Variants in ANK1 observed in about 807,000 individuals in gnomAD.
ANK1 encodes ankyrin-1.
ANK1 carries 51 observed loss-of-function variants against 210.4 expected under a neutral mutation model. The ratio of observed to expected loss-of-function variants is 0.24; its 90% CI spans 0.19 to 0.31. The LOEUF is 0.31. Ranked by LOEUF, ANK1 falls within the 10% of genes least tolerant of loss-of-function variation. ANK1 has a pLI of 1.00. For synonymous variants in ANK1, 967 were observed against 1,025.9 expected (o/e 0.94, Z 1.10); for missense variants, 2,051 against 2,504.4 (o/e 0.82, Z 3.86).
In ANK1 at chr8:41,852,006, A is replaced by G. The variant is rs144106138; in HGVS notation, c.126+44349T>C. 3.9e-5 allele frequency among the ~76,000 whole-genome samples: 6 copies of G among 152,344 alleles called. No individual in the cohort carries two copies. In the East Asian group the frequency reaches 1.2e-3, roughly 29 times the overall value. ...TTTCTCTGTATTATCCTGCATGTTC[A>G]GACATCACCATGCCCATTTTATAAC... On this transcript the variant is annotated intron_variant, in intron 1 of 42. Coordinates refer to the ANK1 transcript ENST00000265709.
intron 12 of ANK1, among the ~76,000 whole-genome samples, 168 bp from the exon 13 acceptor site, chr8:41,717,219 G>A (rs908485823): frequency 2.0e-5 from 3 of 152,172 alleles, no homozygotes; most frequent in South Asian, 2.1e-4. Flanking sequence ...GTGTGCATGA[G>A]CATGTATGTG....
intron 1 of ANK1, among the ~76,000 whole-genome samples, chr8:41,765,126 T>C (rs1228919849): frequency 2.0e-5 from 3 of 151,388 alleles, no homozygotes; most frequent in African/African-American, 4.9e-5. Flanking sequence ...TCTCTTTTTC[T>C]CTCTCTCTCT....
In ANK1 at chr8:41,827,715, C is replaced by T. The variant is rs1805650046; in HGVS notation, c.126+68640G>A. ...ACTCACACACACTCACACGCACACC[C>T]ACTCACACTCACACACATCCACACA... is the stretch of plus-strand genomic sequence containing the variant. On this transcript the variant is annotated intron_variant, in intron 1 of 42. Coordinates refer to the ANK1 transcript ENST00000265709. 3.0e-5 allele frequency among the ~76,000 whole-genome samples: 4 copies of T among 131,318 alleles called. No individual in the cohort carries two copies. The South Asian group carries it at 7.4e-4, about 24-fold the overall frequency. 86.1% of individuals were successfully genotyped at this position (131,318 alleles called of 152,430 possible).
At chr8:41,742,938 G>A (rs1835143966) in intron 2 of ANK1, among the ~76,000 whole-genome samples, 1 of 152,130 alleles carries the variant, frequency 6.6e-6, no homozygotes, top group African/African-American at 2.4e-5. Context: ...AGGTTAGTGG[G>A]ATATATTTCA....
chr8:41,693,781 G>A, intron 29 of ANK1, 117 bp downstream of exon 29: 3 of 1,182,796 alleles, frequency 2.5e-6, no homozygotes, highest in South Asian at 2.7e-5. Flanking sequence ...CTCACTCCCG[G>A]GGAAGTCAAC....
chr8:41,713,356 T>C (rs1826709799), intron 16 of ANK1, among the ~76,000 whole-genome samples: 1 of 152,176 alleles, frequency 6.6e-6, no homozygotes. Flanking sequence ...AGCCTCGCCT[T>C]CCCACAGCAG....
chr8:41,672,543 T>A lies in ANK1; in HGVS notation c.4907A>T (p.Asp1636Val). 6.2e-7 allele frequency: 1 copy of A among 1,614,180 alleles called. No individual in the cohort carries two copies. Among genetic ancestry groups the A allele is most frequent in the Non-Finnish European group, 8.5e-7 (1 of 1,180,044 alleles). The stretch of plus-strand genomic sequence containing the variant: ...CTGACCTTCCTCCTGTTCAAGCAAA[T>A]CGATAAGGCCATTTGTGGCATCTGA... ...VDSDATNGLI[D>V]LLEQEEGQRS... Residue 1636 changes from aspartate (D) to valine (V), a missense_variant, in exon 38 of 43, where the codon GAT becomes GTT. Coordinates refer to ENST00000289734, the MANE Select transcript of ANK1 (RefSeq NM_000037.4).
At chr8:41,841,114 G>A (rs73675149) in intron 1 of ANK1, among the ~76,000 whole-genome samples, 7 of 152,222 alleles carry the variant, frequency 4.6e-5, no homozygotes, top group South Asian at 4.1e-4. Flanking sequence ...CATTCACTGC[G>A]GCAGTATTCA....
chr8:41,678,029 C>A (rs1814762602), intron 37 of ANK1, among the ~76,000 whole-genome samples: 1 of 152,178 alleles, frequency 6.6e-6, no homozygotes, highest in Admixed American at 6.5e-5. Context: ...TAATAATGTG[C>A]CCTGATAGAG....
rs1805503600 is a variant in ANK1 at position 41,655,874 on chromosome 8, C to CT, written c.*37-122dup. ...CCGAATCTGACTCAGGAAAAGCAGT[C>CT]TCCCCAGGCAGGGCGATGTGCTGAG... is the stretch of plus-strand genomic sequence containing the variant. On this transcript the variant is annotated intron_variant, in intron 42 of 42. Transcript: ENST00000289734. The CT allele has an allele frequency of 4.2e-6, 5 of 1,176,650 alleles. No individual in the cohort carries two copies. The Admixed American group carries it at 5.7e-5, about 13-fold the overall frequency. 72.9% of individuals were successfully genotyped at this position (1,176,650 alleles called of 1,614,324 possible).
intron 1 of ANK1, among the ~76,000 whole-genome samples, chr8:41,831,358 C>T (rs1450743992): frequency 6.6e-6 from 1 of 152,060 alleles, no homozygotes; most frequent in African/African-American, 2.4e-5. Context: ...TAAATGAAAA[C>T]CCATGTTTGC....
At chr8:41,784,234 ACCCCACTCTCTCAC>A (rs1480297628) in intron 1 of ANK1, among the ~76,000 whole-genome samples, 1 of 151,778 alleles carries the variant, frequency 6.6e-6, no homozygotes, top group Non-Finnish European at 1.5e-5. Flanking sequence ...ATATTTCTCT[ACCCCACTCTCTCAC>A]CCCCACTCTC....
intron 1 of ANK1, among the ~76,000 whole-genome samples, chr8:41,866,126 C>A (rs919864590): frequency 6.6e-6 from 1 of 152,204 alleles, no homozygotes; most frequent in Non-Finnish European, 1.5e-5. Context: ...GAACTTGCTT[C>A]CTCTTTTCTC....
chr8:41,709,082 T>TG, intron 16 of ANK1, 107 bp from the exon 17 acceptor site: 1 of 1,308,288 alleles, frequency 7.6e-7, no homozygotes, highest in Non-Finnish European at 1.1e-6. Flanking sequence ...GGACACCCAG[T>TG]GAGCAGGGCT....
At chr8:41,662,562 C>G (rs1344642251) in intron 40 of ANK1, among the ~76,000 whole-genome samples, 1 of 152,224 alleles carries the variant, frequency 6.6e-6, no homozygotes, top group Non-Finnish European at 1.5e-5. Flanking sequence ...CCATTCTACT[C>G]CCATGAGCCT....
At chr8:41,795,361 T>A (rs73623029) in intron 1 of ANK1, among the ~76,000 whole-genome samples, 2 of 151,752 alleles carry the variant, frequency 1.3e-5, no homozygotes, top group Non-Finnish European at 2.9e-5. Flanking sequence ...ATACAAAAAT[T>A]ATCCAAGCAT....
intron 2 of ANK1, among the ~76,000 whole-genome samples, chr8:41,756,355 A>T (rs1394919145): frequency 2.0e-5 from 3 of 151,234 alleles, no homozygotes; most frequent in Admixed American, 1.3e-4. Flanking sequence ...CATATTGGCC[A>T]GGCTAGTCTC....
At chr8:41,688,431 C>T in intron 34 of ANK1, 80 bp downstream of exon 34, 1 of 1,550,254 alleles carries the variant, frequency 6.5e-7, no homozygotes, top group Non-Finnish European at 8.9e-7. Context: ...GCAGAACCCT[C>T]ACAGGGCTGC....
intron 1 of ANK1, among the ~76,000 whole-genome samples, chr8:41,781,399 G>A (rs543015069): frequency 2.0e-5 from 3 of 152,318 alleles, no homozygotes; most frequent in Admixed American, 6.5e-5. Flanking sequence ...CGCCTTTTAG[G>A]CAGAATTCAC....
Sources: gnomAD v4.1 joint callset for allele counts (sites outside exome capture counted in the v4.1 genomes callset) on GRCh38, gnomAD v4.1.1 for gene constraint, MANE v1.5 for transcripts, NCBI Gene and HGNC (gene_info 2026-07-23, HGNC 2026-07-21) for gene names.